The following GALNT14 variants were observed in gnomAD, a reference collection of about 807,000 sequenced individuals.
GALNT14 encodes polypeptide N-acetylgalactosaminyltransferase 14.
GALNT14 carries 60 observed loss-of-function variants against 77.5 expected under a neutral mutation model. The ratio of observed to expected loss-of-function variants is 0.77; its 90% CI spans 0.63 to 0.96. The LOEUF is 0.96. Among genes scored for constraint, GALNT14 ranks in the 40% least tolerant of loss-of-function variants. GALNT14 has a pLI of 0.00. For synonymous variants in GALNT14, 280 were observed against 281.7 expected (o/e 0.99, Z 0.06); for missense variants, 710 against 731.0 (o/e 0.97, Z 0.33).
At chr2:30,954,221 G>A (rs1007003249) in intron 6 of GALNT14, among the ~76,000 whole-genome samples, 2 of 152,226 alleles carry the variant, frequency 1.3e-5, no homozygotes, top group African/African-American at 4.8e-5. Flanking sequence ...CCAGGGACAA[G>A]GGGCTGCAGA....
intron 1 of GALNT14, among the ~76,000 whole-genome samples, chr2:31,044,060 T>C (rs4952035): frequency 0.72 from 109,941 of 152,068 alleles, 40,080 homozygotes; most frequent in East Asian, 0.98. Flanking sequence ...AGTGAAGGAC[T>C]AGCGACATAT....
At chr2:31,039,476 G>C (rs1672964928) in intron 1 of GALNT14, among the ~76,000 whole-genome samples, 1 of 152,154 alleles carries the variant, frequency 6.6e-6, no homozygotes, top group South Asian at 2.1e-4. Context: ...TCTAAGACTT[G>C]AATCGGGCCG....
chr2:30,976,126 C>T (rs756413391), intron 2 of GALNT14, among the ~76,000 whole-genome samples: 1 of 152,162 alleles, frequency 6.6e-6, no homozygotes, highest in Non-Finnish European at 1.5e-5. Flanking sequence ...TTACTGAACA[C>T]AGAAGGCCAG....
intron 1 of GALNT14, among the ~76,000 whole-genome samples, chr2:30,993,245 T>C (rs1163391293): frequency 1.3e-5 from 2 of 152,262 alleles, no homozygotes; most frequent in Non-Finnish European, 2.9e-5. Context: ...TCTAGGATCT[T>C]GACTCACATT....
intron 1 of GALNT14, among the ~76,000 whole-genome samples, chr2:31,118,948 T>C (rs866949865): frequency 6.6e-6 from 1 of 152,108 alleles, no homozygotes; most frequent in African/African-American, 2.4e-5. Context: ...TATGACAAAG[T>C]GGTCTTTTAA....
chr2:30,931,574 C>T (rs1665730366), intron 10 of GALNT14, among the ~76,000 whole-genome samples: 1 of 151,948 alleles, frequency 6.6e-6, no homozygotes, highest in African/African-American at 2.4e-5. Context: ...AGGCCCTGCC[C>T]CAGCCTGGAC....
chr2:31,009,737 T>G (rs1370083455), intron 1 of GALNT14, among the ~76,000 whole-genome samples: 2 of 152,218 alleles, frequency 1.3e-5, no homozygotes, highest in Non-Finnish European at 2.9e-5. Context: ...ACCAGCCACA[T>G]AGCTGCACAA....
intron 13 of GALNT14, among the ~76,000 whole-genome samples, chr2:30,915,169 T>G (rs1664604328): frequency 6.7e-6 from 1 of 150,008 alleles, no homozygotes; most frequent in African/African-American, 2.5e-5. Context: ...ATTTCTTCTT[T>G]TTTAATATCC....
At chr2:31,073,619 G>A (rs779887787) in intron 1 of GALNT14, among the ~76,000 whole-genome samples, 6 of 151,978 alleles carry the variant, frequency 3.9e-5, no homozygotes, top group South Asian at 2.1e-4. Context: ...GCTAGGGGCC[G>A]GCGGGACTGG....
At chr2:30,956,049 A>C (rs1667351575) in intron 4 of GALNT14, 72 bp from the exon 5 acceptor site, 1 of 1,483,198 alleles carries the variant, frequency 6.7e-7, no homozygotes. Context: ...TGTGCACTGC[A>C]GGTGAACCTG....
chr2:31,094,912 T>C (rs556593684), intron 1 of GALNT14, among the ~76,000 whole-genome samples: 18 of 152,222 alleles, frequency 1.2e-4, no homozygotes, highest in African/African-American at 4.1e-4. Context: ...AATGAACAGA[T>C]TGGACCAGGA....
intron 2 of GALNT14, among the ~76,000 whole-genome samples, chr2:30,972,958 T>C (rs1668448414): frequency 1.3e-5 from 2 of 152,186 alleles, no homozygotes; most frequent in Admixed American, 6.5e-5. Flanking sequence ...AGGTGATTCA[T>C]GCACATCTAT....
chr2:30,998,866 CTG>C (rs1453903043), intron 1 of GALNT14, among the ~76,000 whole-genome samples: 1 of 152,218 alleles, frequency 6.6e-6, no homozygotes, highest in East Asian at 1.9e-4. Context: ...GACTCACTAT[CTG>C]TGCATTTCCT....
chr2:31,070,483 T>G lies in GALNT14; in HGVS notation c.129+67475A>C, dbSNP rs546479357. ...GAAACCTGCCCATTTTACACTGAAC[T>G]CAAACAAGCTTGCACTTAGGCTCCC... On this transcript the variant is annotated intron_variant, in intron 1 of 14. Transcript: ENST00000349752. Among the ~76,000 whole-genome samples the G allele has an allele frequency of 2.0e-5, 3 of 152,212 alleles. No individual in the cohort carries two copies. In the East Asian group the frequency reaches 5.8e-4, roughly 29 times the overall value.
intron 1 of GALNT14, among the ~76,000 whole-genome samples, chr2:31,121,078 G>A (rs1162458215): frequency 6.6e-6 from 1 of 152,198 alleles, no homozygotes; most frequent in African/African-American, 2.4e-5. Flanking sequence ...CACATCAGCA[G>A]GGATGTCTTC....
chr2:31,023,978 A>G (rs1322960490), intron 1 of GALNT14, among the ~76,000 whole-genome samples: 1 of 152,140 alleles, frequency 6.6e-6, no homozygotes, highest in East Asian at 1.9e-4. Flanking sequence ...TTTAAGGTCT[A>G]AAATATATCC....
chr2:31,119,637 T>C (rs1456794980), intron 1 of GALNT14, among the ~76,000 whole-genome samples: 1 of 152,206 alleles, frequency 6.6e-6, no homozygotes, highest in Non-Finnish European at 1.5e-5. Context: ...AATCTTAAAA[T>C]ATACATAATA....
chr2:30,958,575 A>G (rs944586712), intron 3 of GALNT14, 111 bp from the exon 4 acceptor site: 7 of 794,340 alleles, frequency 8.8e-6, no homozygotes, highest in African/African-American at 3.5e-5. Context: ...AAATCAGAGC[A>G]CCAACGGGCT....
At chr2:30,963,613 A>G (rs774953313) in intron 3 of GALNT14, among the ~76,000 whole-genome samples, 8 of 152,180 alleles carry the variant, frequency 5.3e-5, no homozygotes, top group Non-Finnish European at 8.8e-5. Context: ...AATGTCTGAG[A>G]CATTCCCCAG....
Sources: allele counts gnomAD v4.1 joint callset (sites outside exome capture counted in the v4.1 genomes callset), GRCh38; gene constraint gnomAD v4.1.1; transcripts MANE v1.5; gene names NCBI Gene and HGNC (gene_info 2026-07-23, HGNC 2026-07-21).